Variants in POLN observed in about 807,000 individuals in gnomAD.
POLN encodes the protein DNA polymerase N.
A neutral mutation model predicts 113.5 loss-of-function variants in POLN; 108 were observed. The observed-to-expected ratio is 0.95, with a 90% CI of 0.81 to 1.12. POLN has a LOEUF of 1.12. POLN is among the 50% of genes most tolerant of loss of function. POLN has a pLI of 0.00. For synonymous variants in POLN, 386 were observed against 391.5 expected (o/e 0.99, Z 0.17); for missense variants, 1,097 against 1,077.1 (o/e 1.02, Z -0.26).
chr4:2,193,341 G>A, intron 6 of POLN, 25 bp from the exon 7 acceptor site: 2 of 1,483,868 alleles, frequency 1.3e-6, no homozygotes, highest in Non-Finnish European at 1.8e-6. Context: ...GAAATTCACT[G>A]ATTTAAACAT....
At chr4:2,173,569 A>G (rs1577740707) in intron 11 of POLN, among the ~76,000 whole-genome samples, 1 of 151,878 alleles carries the variant, frequency 6.6e-6, no homozygotes, top group Admixed American at 6.6e-5. Context: ...CTCCACCTAC[A>G]TGTGTTTTCT....
Position 2,085,863 on chromosome 4 carries a change from G to C in POLN, c.2066-119C>G, listed in dbSNP as rs1388863004. 3.6e-6 allele frequency: 5 copies of C among 1,392,560 alleles called. No individual in the cohort carries two copies. The African/African-American group carries it at 7.2e-5, about 20-fold the overall frequency. 86.3% of individuals were successfully genotyped at this position (1,392,560 alleles called of 1,614,324 possible). On this transcript the variant is annotated intron_variant, in intron 20 of 25. Transcript: ENST00000511885. Reference sequence around the variant, plus strand: ...GTCTTTTCTGATGGGTTGGGATGGAGTTGGCGTTGACTTTACAAGCCAGGT... The same window carrying C: ...GTCTTTTCTGATGGGTTGGGATGGACTTGGCGTTGACTTTACAAGCCAGGT...
chr4:2,081,808 T>C, intron 21 of POLN, 65 bp from the exon 22 acceptor site: 1 of 1,400,334 alleles, frequency 7.1e-7, no homozygotes, highest in Non-Finnish European at 1.0e-6. Context: ...TGCAGCTCCC[T>C]CGGGCCAGGT....
chr4:2,101,128 T>C (rs1230997000), intron 19 of POLN, among the ~76,000 whole-genome samples: 2 of 151,892 alleles, frequency 1.3e-5, no homozygotes, highest in South Asian at 2.1e-4. Context: ...GGGGTCCAGA[T>C]TGAGTACATG....
chr4:2,170,907 A>G, intron 12 of POLN, 133 bp from the exon 13 acceptor site: 1 of 929,558 alleles, frequency 1.1e-6, no homozygotes. Flanking sequence ...TTAAATTCTC[A>G]TTTAGTACTT....
At chr4:2,239,625 G>C (rs933843270) in intron 2 of POLN, among the ~76,000 whole-genome samples, 2 of 152,158 alleles carry the variant, frequency 1.3e-5, no homozygotes, top group Admixed American at 1.3e-4. Context: ...ATCAGTTTCA[G>C]TCTACTGAAC....
intron 16 of POLN, among the ~76,000 whole-genome samples, chr4:2,152,154 C>T (rs1367236864): frequency 6.6e-6 from 1 of 151,294 alleles, no homozygotes; most frequent in Admixed American, 6.6e-5. Context: ...ACTTCAGCCT[C>T]TTGAGTAGCT....
intron 13 of POLN, among the ~76,000 whole-genome samples, chr4:2,167,984 G>A (rs28568851): frequency 0.23 from 35,352 of 152,016 alleles, 6,095 homozygotes; most frequent in African/African-American, 0.47. Context: ...CACACTTCCA[G>A]ACAACTCGAT....
At chr4:2,176,186 C>T in intron 9 of POLN, 80 bp downstream of exon 9, 1 of 1,149,698 alleles carries the variant, frequency 8.7e-7, no homozygotes, top group Non-Finnish European at 1.3e-6. Context: ...CACATTCAAA[C>T]TCCCTGGGAG....
chr4:2,098,075 C>A (rs1215906030), intron 19 of POLN, among the ~76,000 whole-genome samples: 2 of 152,076 alleles, frequency 1.3e-5, no homozygotes, highest in Non-Finnish European at 2.9e-5. Context: ...GTTTAGCCAC[C>A]CTTAAACTTG....
intron 16 of POLN, among the ~76,000 whole-genome samples, chr4:2,133,482 G>T (rs1731778549): frequency 6.6e-6 from 1 of 152,164 alleles, no homozygotes; most frequent in Non-Finnish European, 1.5e-5. Flanking sequence ...ATACCATTCT[G>T]CTATAAAAAG....
chr4:2,081,036 C>A lies in POLN; in HGVS notation c.2309G>T (p.Gly770Val), dbSNP rs765899128. The part of the protein sequence containing the change: ...ERQAVNFVVQ[G>V]SAADLCKLAM... ...CAGCTTGCAGAGGTCAGCAGCGGAG[C>A]CTATGGGGCGCGTGGTACTGTCTTG... Residue 770 changes from glycine (G) to valine (V), a missense_variant and splice_region_variant, in exon 23 of 26, where the codon GGC (glycine) becomes GTC (valine). Coordinates refer to ENST00000511885, the MANE Select transcript of POLN (RefSeq NM_181808.4). The A allele has an allele frequency of 1.1e-5, 17 of 1,613,654 alleles. No homozygotes were observed. The highest frequency in any genetic ancestry group is 1.1e-5 in the Non-Finnish European group (13 of 1,179,978).
At chr4:2,167,832 G>A (rs1272616729) in intron 13 of POLN, among the ~76,000 whole-genome samples, 4 of 152,130 alleles carry the variant, frequency 2.6e-5, no homozygotes, top group East Asian at 1.9e-4. Context: ...CTGGAAGGGG[G>A]AGGTTGCAGT....
At chr4:2,138,979 T>C (rs1250793121) in intron 16 of POLN, among the ~76,000 whole-genome samples, 1 of 150,962 alleles carries the variant, frequency 6.6e-6, no homozygotes, top group Admixed American at 6.6e-5. Context: ...GAAAGCTGAA[T>C]GAAGAGGGTT....
chr4:2,210,877 C>T lies in POLN; in HGVS notation c.213+2170G>A, dbSNP rs931217678. Among the ~76,000 whole-genome samples the T allele has an allele frequency of 5.4e-5, 8 of 148,136 alleles. No homozygotes were observed. The South Asian group carries it at 6.3e-4, about 12-fold the overall frequency. On this transcript the variant is annotated intron_variant, in intron 4 of 25. Transcript: ENST00000511885. ...CGGAGGTTGCAGTGAGCCGAGATCG[C>T]GCCACTGCACTCCTGCCTTGGTGAC...
chr4:2,215,630 G>A (rs1734095726), intron 3 of POLN, among the ~76,000 whole-genome samples: 1 of 152,208 alleles, frequency 6.6e-6, no homozygotes, highest in Admixed American at 6.5e-5. Flanking sequence ...CAATCAGGGA[G>A]GGGCTGTCCC....
At chr4:2,143,825 C>T (rs1732065296) in intron 16 of POLN, among the ~76,000 whole-genome samples, 1 of 152,050 alleles carries the variant, frequency 6.6e-6, no homozygotes, top group Non-Finnish European at 1.5e-5. Flanking sequence ...TATGATCCAA[C>T]AGTTGACTTG....
rs143848927 is a variant in POLN at position 2,236,908 on chromosome 4, T to C, written c.-13+4612A>G. On this transcript the variant is annotated intron_variant, in intron 2 of 25. Transcript: ENST00000511885. ...TATAATTATAATAATAATATTATTA[T>C]TATTTGTGTGCCTGCAAAAATCAAG... is the stretch of plus-strand genomic sequence containing the variant. Among the ~76,000 whole-genome samples the C allele has an allele frequency of 1.8e-3, 273 of 149,928 alleles. 2 individuals are homozygous for C. Among genetic ancestry groups the C allele is most frequent in the Non-Finnish European group, 2.5e-3 (169 of 67,584 alleles).
In POLN at chr4:2,210,660, C is replaced by A. The variant is rs189163656; in HGVS notation, c.214-2173G>T. The stretch of plus-strand genomic sequence containing the variant: ...AAAAGAGGCCGGGCATGGTGGCTCA[C>A]GCCTGTAATCCCACTATTTTGGGAG... On this transcript the variant is annotated intron_variant, in intron 4 of 25. Coordinates refer to ENST00000511885, the MANE Select transcript of POLN (RefSeq NM_181808.4). Among the ~76,000 whole-genome samples the A allele has an allele frequency of 2.1e-3, 319 of 148,408 alleles. 1 individual carries two copies. Among genetic ancestry groups the A allele is most frequent in the African/African-American group, 7.4e-3 (301 of 40,802 alleles).
Sources: gnomAD v4.1 joint callset for allele counts (sites outside exome capture counted in the v4.1 genomes callset) on GRCh38, gnomAD v4.1.1 for gene constraint, MANE v1.5 for transcripts, NCBI Gene and HGNC (gene_info 2026-07-23, HGNC 2026-07-21) for gene names.